FILIP1: variants seen among roughly 807,000 people sequenced by gnomAD.
FILIP1 encodes filamin-A-interacting protein 1.
A neutral mutation model predicts 102.1 loss-of-function variants in FILIP1; 61 were observed. The ratio of observed to expected loss-of-function variants is 0.60; its 90% CI spans 0.49 to 0.74. The LOEUF (loss-of-function observed/expected upper bound fraction) is 0.74. Among genes scored for constraint, FILIP1 ranks in the 30% least tolerant of loss-of-function variants. The pLI, the probability that FILIP1 is intolerant of heterozygous loss-of-function variation, is 0.00. For missense variants in FILIP1, 1,314 were observed against 1,441.2 expected (o/e 0.91, Z 1.43); for synonymous variants, 491 against 526.9 (o/e 0.93, Z 0.93).
chr6:75,486,128 A>G (rs1224163879), intron 1 of FILIP1, among the ~76,000 whole-genome samples: 1 of 152,226 alleles, frequency 6.6e-6, no homozygotes, highest in Non-Finnish European at 1.5e-5. Context: ...TGACCAAGGT[A>G]GAGACTGGCA....
intron 4 of FILIP1, among the ~76,000 whole-genome samples, chr6:75,348,041 A>G (rs1056970532): frequency 1.8e-4 from 26 of 146,318 alleles, no homozygotes; most frequent in Admixed American, 4.2e-4. Context: ...AGATCTAGAC[A>G]GCACTCCTCC....
Position 75,329,655 on chromosome 6 carries a change from T to A in FILIP1, c.630-14453A>T, listed in dbSNP as rs1184474131. ...CTTACATGTAGTTTGAAGTCTTTAG[T>A]CACAATGTGTTTTTTCCCAACTAGA... On this transcript the variant is annotated intron_variant, in intron 4 of 5. Coordinates refer to ENST00000237172, the MANE Select transcript of FILIP1 (RefSeq NM_015687.5). Among the ~76,000 whole-genome samples, 4 of 152,200 alleles carry A rather than the reference T, an allele frequency of 2.6e-5. No individual in the cohort carries two copies. In the East Asian group the frequency reaches 7.7e-4, roughly 29 times the overall value.
chr6:75,401,868 T>C (rs1776671078), intron 2 of FILIP1, among the ~76,000 whole-genome samples: 1 of 152,154 alleles, frequency 6.6e-6, no homozygotes, highest in Non-Finnish European at 1.5e-5. Context: ...AAATGCTCCA[T>C]GTAAAAAGAG....
chr6:75,405,542 A>G (rs1776814505), intron 2 of FILIP1, among the ~76,000 whole-genome samples: 1 of 152,266 alleles, frequency 6.6e-6, no homozygotes, highest in South Asian at 2.1e-4. Context: ...CAAAAGAAAT[A>G]GCACTCGAAT....
chr6:75,372,706 A>G (rs1172426886), intron 2 of FILIP1, among the ~76,000 whole-genome samples: 27 of 59,470 alleles, frequency 4.5e-4, no homozygotes, highest in African/African-American at 2.7e-3. Flanking sequence ...AGAAAGAAAG[A>G]AAGAAAGGAA....
At chr6:75,307,562 C>T (rs376123900), downstream of FILIP1, among the ~76,000 whole-genome samples, 19 of 152,272 alleles carry the variant, frequency 1.2e-4, no homozygotes, top group Admixed American at 3.9e-4. Flanking sequence ...GGTTATGTGG[C>T]TATGAAACAC....
intron 1 of FILIP1, among the ~76,000 whole-genome samples, chr6:75,471,159 CAAAAAAAAAA>C (rs67671264): frequency 4.1e-5 from 3 of 72,294 alleles, no homozygotes; most frequent in South Asian, 1.0e-3. Context: ...GACCTTGTCT[CAAAAAAAAAA>C]AAAAAAAAAA....
At chr6:75,423,158 T>C (rs1456826767) in intron 1 of FILIP1, among the ~76,000 whole-genome samples, 1 of 152,144 alleles carries the variant, frequency 6.6e-6, no homozygotes, top group Non-Finnish European at 1.5e-5. Context: ...ACACTAGAAG[T>C]TGCTGAAGAA....
intron 4 of FILIP1, among the ~76,000 whole-genome samples, chr6:75,342,013 T>C (rs1409682658): frequency 6.6e-6 from 1 of 152,222 alleles, no homozygotes; most frequent in African/African-American, 2.4e-5. Context: ...TAAAATGCTA[T>C]GAGATAGGTA....
intron 2 of FILIP1, among the ~76,000 whole-genome samples, chr6:75,379,731 C>G (rs1775848560): frequency 6.6e-6 from 1 of 152,184 alleles, no homozygotes; most frequent in Non-Finnish European, 1.5e-5. Context: ...GCCTCTGCCC[C>G]TTTGCCTAGA....
intron 4 of FILIP1, among the ~76,000 whole-genome samples, chr6:75,341,144 G>C (rs1421731170): frequency 7.8e-6 from 1 of 128,996 alleles, no homozygotes; most frequent in African/African-American, 3.1e-5. Context: ...GGAGACTTGA[G>C]GGTTTTTGTT....
chr6:75,483,944 T>A (rs1229704656), intron 1 of FILIP1, among the ~76,000 whole-genome samples: 1 of 152,184 alleles, frequency 6.6e-6, no homozygotes, highest in Non-Finnish European at 1.5e-5. Context: ...TATATGTGTA[T>A]CTGCCTTATG....
In FILIP1 at chr6:75,315,908, G is replaced by A. The variant is rs368306733; in HGVS notation, c.630-706C>T. On this transcript the variant is annotated intron_variant, in intron 4 of 5. Transcript: ENST00000237172. ...AACCCTTGACGTAAACTACGTAACT[G>A]TCACCTGGAAGGGACAAAGTATGAC... Among the ~76,000 whole-genome samples the A allele has an allele frequency of 2.0e-4, 30 of 152,370 alleles. No homozygotes were observed. The South Asian group carries it at 6.2e-3, about 32-fold the overall frequency.
intron 1 of FILIP1, among the ~76,000 whole-genome samples, chr6:75,469,223 C>G (rs1370514470): frequency 6.6e-6 from 1 of 151,868 alleles, no homozygotes; most frequent in Non-Finnish European, 1.5e-5. Flanking sequence ...GGAAGGAATA[C>G]TTAAGTAAAA....
At chr6:75,451,214 A>G (rs1778621069) in intron 1 of FILIP1, among the ~76,000 whole-genome samples, 1 of 149,280 alleles carries the variant, frequency 6.7e-6, no homozygotes, top group Admixed American at 6.7e-5. Context: ...TAAAATAGAA[A>G]CATTATTTTC....
chr6:75,421,198 A>C (rs1013167759), intron 1 of FILIP1, among the ~76,000 whole-genome samples: 1 of 152,198 alleles, frequency 6.6e-6, no homozygotes, highest in East Asian at 1.9e-4. Context: ...ACAAAAGATG[A>C]CAGAGAAAAT....
At chr6:75,380,511 T>G (rs1178243961) in intron 2 of FILIP1, among the ~76,000 whole-genome samples, 1 of 152,186 alleles carries the variant, frequency 6.6e-6, no homozygotes, top group Non-Finnish European at 1.5e-5. Context: ...TAAATAGGCA[T>G]TCTCATAATT....
chr6:75,410,393 G>A (rs990096468), intron 2 of FILIP1, among the ~76,000 whole-genome samples: 1 of 150,296 alleles, frequency 6.7e-6, no homozygotes, highest in Non-Finnish European at 1.5e-5. Context: ...CATTTTTTTT[G>A]AGATTTTTTT....
At chr6:75,350,400 G>GTTT in intron 4 of FILIP1, among the ~76,000 whole-genome samples, 1 of 136,446 alleles carries the variant, frequency 7.3e-6, no homozygotes, top group East Asian at 2.2e-4. Flanking sequence ...TTTTTTTAAA[G>GTTT]TTTTTTTTTT....
Sources: gnomAD v4.1 joint callset for allele counts (sites outside exome capture counted in the v4.1 genomes callset) on GRCh38, gnomAD v4.1.1 for gene constraint, MANE v1.5 for transcripts, NCBI Gene and HGNC (gene_info 2026-07-23, HGNC 2026-07-21) for gene names.